CLPB: variants seen among roughly 807,000 people sequenced by gnomAD.
CLPB encodes ClpB family mitochondrial disaggregase.
CLPB carries 40 observed loss-of-function variants against 78.4 expected under a neutral mutation model. That is an observed-to-expected ratio of 0.51 (90% CI 0.40 to 0.66). The LOEUF (loss-of-function observed/expected upper bound fraction) is 0.66, where lower values mean the gene tolerates loss of function less well. Ranked by LOEUF, CLPB falls within the 30% of genes least tolerant of loss-of-function variation. The pLI is 0.00. For missense variants in CLPB, 780 were observed against 886.9 expected (o/e 0.88, Z 1.53); for synonymous variants, 333 against 348.0 (o/e 0.96, Z 0.48).
chr11:72,336,878 C>T, intron 5 of CLPB: 1 of 389,102 alleles, frequency 2.6e-6, no homozygotes, highest in East Asian at 3.6e-5. Context: ...ACGCTCAGCT[C>T]CACTCTGTCC....
chr11:72,388,665 A>G (rs1291527423), intron 3 of CLPB, among the ~76,000 whole-genome samples: 1 of 152,150 alleles, frequency 6.6e-6, no homozygotes, highest in Admixed American at 6.5e-5. Flanking sequence ...ACCTTGACAT[A>G]TGGCCAGTAG....
At chr11:72,296,184 A>G (rs1949548730) in intron 11 of CLPB, among the ~76,000 whole-genome samples, 1 of 152,216 alleles carries the variant, frequency 6.6e-6, no homozygotes, top group Non-Finnish European at 1.5e-5. Context: ...TCAGGACTAG[A>G]TGTGGTTATC....
chr11:72,306,723 C>T (rs1483281370), intron 9 of CLPB, among the ~76,000 whole-genome samples: 2 of 152,200 alleles, frequency 1.3e-5, no homozygotes, highest in Non-Finnish European at 2.9e-5. Context: ...TCCTCTTATT[C>T]CCACTTGTTT....
chr11:72,363,177 AGAAG>A (rs1218566645), intron 4 of CLPB, among the ~76,000 whole-genome samples: 1 of 148,234 alleles, frequency 6.7e-6, no homozygotes, highest in Non-Finnish European at 1.5e-5. Context: ...AGAAAGTAAA[AGAAG>A]GAAGGAAGGG....
intron 4 of CLPB, among the ~76,000 whole-genome samples, chr11:72,366,770 A>G (rs1163742696): frequency 6.6e-6 from 1 of 152,180 alleles, no homozygotes; most frequent in Non-Finnish European, 1.5e-5. Context: ...ATGCTTATAC[A>G]CTGTTGGAGG....
intron 6 of CLPB, among the ~76,000 whole-genome samples, chr11:72,319,801 T>A (rs1950012610): frequency 1.3e-5 from 2 of 152,246 alleles, no homozygotes; most frequent in South Asian, 4.1e-4. Context: ...TACCTAACCC[T>A]TATTAAACCT....
intron 3 of CLPB, among the ~76,000 whole-genome samples, chr11:72,393,965 C>T (rs1219025237): frequency 2.0e-5 from 3 of 152,152 alleles, no homozygotes; most frequent in Admixed American, 6.5e-5. Flanking sequence ...TCAATGACCT[C>T]AATGAAATCA....
In CLPB at chr11:72,353,415, C is replaced by T. The variant is rs1449748494; in HGVS notation, c.775+5465G>A. Among the ~76,000 whole-genome samples, 3 of 152,130 alleles carry T rather than the reference C, an allele frequency of 2.0e-5. No homozygotes were observed. The East Asian group carries it at 5.8e-4, about 29-fold the overall frequency. ...TGTAAGGAGAAGGAAGGTAGCCAGG[C>T]AGAGGTGGCTCATAAGTGAAGCTCT... On this transcript the variant is annotated intron_variant, in intron 5 of 15. Coordinates refer to ENST00000538039, the MANE Select transcript of CLPB (RefSeq NM_001258392.3).
intron 4 of CLPB, among the ~76,000 whole-genome samples, chr11:72,362,734 A>G (rs1950863556): frequency 6.6e-6 from 1 of 152,210 alleles, no homozygotes; most frequent in Non-Finnish European, 1.5e-5. Context: ...AGTGCCTAGC[A>G]TATAGTAGCT....
At chr11:72,359,270 C>T (rs1361930483) in intron 4 of CLPB, 2 of 605,488 alleles carry the variant, frequency 3.3e-6, no homozygotes, top group Admixed American at 2.2e-5. Flanking sequence ...AGGTCCCTGA[C>T]CTAACTGACA....
chr11:72,302,127 T>A, intron 10 of CLPB, 163 bp from the exon 11 acceptor site: 1 of 985,964 alleles, frequency 1.0e-6, no homozygotes, highest in Non-Finnish European at 1.5e-6. Context: ...CTTCTCTATG[T>A]TTATTCTTCA....
intron 5 of CLPB, chr11:72,354,139 G>A (rs1950663310): frequency 2.8e-5 from 10 of 356,562 alleles, no homozygotes; most frequent in Admixed American, 2.8e-4. Context: ...TTAAATGGCA[G>A]GGCTGGTACC....
intron 5 of CLPB, among the ~76,000 whole-genome samples, chr11:72,332,186 A>G (rs547506168): frequency 6.6e-6 from 1 of 152,188 alleles, no homozygotes; most frequent in East Asian, 1.9e-4. Context: ...AAACCTTTCA[A>G]AGTATATAAT....
intron 6 of CLPB, among the ~76,000 whole-genome samples, chr11:72,324,509 T>A (rs991091615): frequency 6.6e-6 from 1 of 151,952 alleles, no homozygotes; most frequent in Non-Finnish European, 1.5e-5. Flanking sequence ...GAGGTTGCAG[T>A]GAGCTGAGAC....
intron 4 of CLPB, among the ~76,000 whole-genome samples, chr11:72,377,621 T>TAAAAGAA (rs10523018): frequency 0.8 from 110,175 of 137,486 alleles, 42,539 homozygotes; most frequent in East Asian, 0.84. Context: ...AAAAAGAAAA[T>TAAAAGAA]AAAAGAAAAA....
chr11:72,390,656 A>G (rs1855227953), intron 3 of CLPB, among the ~76,000 whole-genome samples: 1 of 152,212 alleles, frequency 6.6e-6, no homozygotes, highest in African/African-American at 2.4e-5. Context: ...CAAATGTTAG[A>G]AAGCTGAAAA....
chr11:72,409,787 G>A (rs1855821572), intron 2 of CLPB, among the ~76,000 whole-genome samples: 1 of 152,098 alleles, frequency 6.6e-6, no homozygotes, highest in South Asian at 2.1e-4. Flanking sequence ...AGATCAGCCT[G>A]GCTAATGTGG....
intron 6 of CLPB, among the ~76,000 whole-genome samples, chr11:72,326,605 G>A (rs1950137691): frequency 6.6e-6 from 1 of 152,170 alleles, no homozygotes; most frequent in Admixed American, 6.6e-5. Context: ...GCTGAGCAGA[G>A]AGAAGGGGAG....
intron 4 of CLPB, among the ~76,000 whole-genome samples, chr11:72,375,460 C>T (rs949552938): frequency 1.1e-4 from 16 of 152,156 alleles, no homozygotes; most frequent in Admixed American, 8.5e-4. Context: ...CCCCACCCAA[C>T]GCCTCTGCAT....
Sources: allele counts gnomAD v4.1 joint callset (sites outside exome capture counted in the v4.1 genomes callset), GRCh38; gene constraint gnomAD v4.1.1; transcripts MANE v1.5; gene names NCBI Gene and HGNC (gene_info 2026-07-23, HGNC 2026-07-21).